TASOR: variants seen among roughly 807,000 people sequenced by gnomAD.
The protein encoded by TASOR is protein TASOR.
In TASOR, 53 loss-of-function variants were observed where a neutral mutation model predicts 178.6. The ratio of observed to expected loss-of-function variants is 0.30; its 90% CI spans 0.24 to 0.37. The LOEUF (loss-of-function observed/expected upper bound fraction) is 0.37, where lower values mean the gene tolerates loss of function less well. TASOR is among the 10% of genes least tolerant of loss of function. TASOR has a pLI of 1.00. For missense variants in TASOR, 1,815 were observed against 1,971.4 expected (o/e 0.92, Z 1.50); for synonymous variants, 713 against 696.2 (o/e 1.02, Z -0.38).
intron 18 of TASOR, among the ~76,000 whole-genome samples, chr3:56,631,079 A>G (rs1426532612): frequency 6.6e-6 from 1 of 152,112 alleles, no homozygotes; most frequent in Non-Finnish European, 1.5e-5. Context: ...CTGGTGGGGA[A>G]AAGTTGAGAA....
chr3:56,643,896 A>G (rs1251663968), intron 14 of TASOR, among the ~76,000 whole-genome samples: 1 of 152,202 alleles, frequency 6.6e-6, no homozygotes, highest in East Asian at 1.9e-4. Flanking sequence ...GTTTTAGTTA[A>G]GCATTCTACC....
chr3:56,673,781 G>T, intron 1 of TASOR, 56 bp from the exon 2 acceptor site: 5 of 1,391,630 alleles, frequency 3.6e-6, no homozygotes, highest in Non-Finnish European at 4.8e-6. Flanking sequence ...CTTAAATATA[G>T]CTTTTTATAT....
chr3:56,625,918 G>A (rs1156939169), intron 21 of TASOR, among the ~76,000 whole-genome samples: 5 of 152,102 alleles, frequency 3.3e-5, no homozygotes, highest in Admixed American at 1.3e-4. Context: ...CACCGTGCCC[G>A]GCCAGCTCTA....
intron 1 of TASOR, among the ~76,000 whole-genome samples, chr3:56,678,244 C>T (rs1479831986): frequency 1.5e-5 from 2 of 133,952 alleles, no homozygotes; most frequent in African/African-American, 2.9e-5. Flanking sequence ...TGCAGTGGCG[C>T]GATCTTGGCT....
intron 20 of TASOR, 132 bp downstream of exon 20, chr3:56,627,450 T>C (rs2076823458): frequency 1.0e-6 from 1 of 994,468 alleles, no homozygotes; most frequent in Non-Finnish European, 1.5e-6. Context: ...GAGAAAGAAA[T>C]TTGAGGTAAT....
rs144758081 is a variant in TASOR, at chr3:56,669,459, C to T, written c.735+241G>A. Among the ~76,000 whole-genome samples, 22 of 151,858 alleles carry T rather than the reference C, an allele frequency of 1.4e-4. No homozygotes were observed. In the East Asian group the frequency reaches 2.1e-3, roughly 15 times the overall value. ...CGGAGCTTGCAGTGAGCCAAGATGG[C>T]GCCACTGCACTCCATCCAGCCTGGG... On this transcript the variant is annotated intron_variant, in intron 5 of 23. Coordinates refer to ENST00000683822, the MANE Select transcript of TASOR (RefSeq NM_001365635.2).
At chr3:56,655,451 G>T (rs2077449782) in intron 11 of TASOR, among the ~76,000 whole-genome samples, 1 of 152,060 alleles carries the variant, frequency 6.6e-6, no homozygotes, top group African/African-American at 2.4e-5. Context: ...CATACTAAGA[G>T]ACTAACGACA....
chr3:56,638,654 G>A, intron 17 of TASOR, 52 bp downstream of exon 17: 2 of 1,588,244 alleles, frequency 1.3e-6, no homozygotes, highest in Non-Finnish European at 1.7e-6. Flanking sequence ...AATGCAAGTA[G>A]CAACTCTGAA....
rs200185070 is a variant in TASOR at position 56,682,964 on chromosome 3, C to T, written c.43G>A (p.Ala15Thr). The stretch of plus-strand genomic sequence containing the variant: ...CCGCCGCCGCCACTTTCCCAACTCG[C>T]ATCCGTCGGCTGACAGGCCTCCGTC... ...VETEACQPTD[A>T]SWESGGGGDD... is the part of the protein sequence containing the mutation. The change falls in exon 1 of 24, where the codon GCG becomes ACG. Residue 15 changes from alanine (A) to threonine (T), a missense_variant. Coordinates refer to ENST00000683822, the MANE Select transcript of TASOR (RefSeq NM_001365635.2). 795 of 1,549,386 alleles carry T rather than the reference C, an allele frequency of 5.1e-4. 3 individuals carry two copies. The Middle Eastern group carries it at 0.011, about 21-fold the overall frequency.
rs374379967 is a variant in TASOR at position 56,638,800 on chromosome 3, A to T, written c.2765-35T>A. ...AGCATCCATTAGACTCTCTTCAGAC[A>T]TTAGTGATACCTACACTAAGCACCT... On this transcript the variant is annotated intron_variant, in intron 16 of 23. Coordinates refer to ENST00000683822, the MANE Select transcript of TASOR (RefSeq NM_001365635.2). The T allele has an allele frequency of 2.2e-5, 35 of 1,603,438 alleles. No homozygotes were observed. In the African/African-American group the frequency reaches 4.0e-4, roughly 18 times the overall value.
chr3:56,638,825 T>C, intron 16 of TASOR, 60 bp from the exon 17 acceptor site: 1 of 1,504,636 alleles, frequency 6.6e-7, no homozygotes, highest in Non-Finnish European at 9.2e-7. Context: ...ACTAAGCACC[T>C]TTCAGACAAC....
At chr3:56,663,872 G>T in intron 7 of TASOR, 1 of 990,728 alleles carries the variant, frequency 1.0e-6, no homozygotes, top group Non-Finnish European at 1.2e-6. Flanking sequence ...CAATTATTTT[G>T]CTGACATTAG....
At chr3:56,662,276 G>T in intron 9 of TASOR, 109 bp downstream of exon 9, 2 of 653,066 alleles carry the variant, frequency 3.1e-6, no homozygotes, top group Non-Finnish European at 5.4e-6. Flanking sequence ...CATTTATATT[G>T]AAGTTCTTAT....
rs558001461 is a variant in TASOR, at chr3:56,652,420, G to A, written c.1369-3363C>T. Among the ~76,000 whole-genome samples, 10 of 152,112 alleles carry A rather than the reference G, an allele frequency of 6.6e-5. No homozygotes were observed. The East Asian group carries it at 1.9e-3, about 29-fold the overall frequency. The stretch of plus-strand genomic sequence containing the variant: ...CATACAAAAATCAGGCAGGTGTGGT[G>A]GTACGCACCTGTAGCCCCAGCTACC... On this transcript the variant is annotated intron_variant, in intron 11 of 23. Transcript: ENST00000683822.
intron 19 of TASOR, 103 bp downstream of exon 19, chr3:56,628,389 C>T: frequency 9.1e-7 from 1 of 1,102,544 alleles, no homozygotes; most frequent in Non-Finnish European, 1.3e-6. Flanking sequence ...TAAGTTTAAT[C>T]TCCTTTAAAG....
At chr3:56,649,116 A>C in intron 11 of TASOR, 59 bp from the exon 12 acceptor site, 1 of 1,264,790 alleles carries the variant, frequency 7.9e-7, no homozygotes, top group Non-Finnish European at 1.1e-6. Context: ...ACCATAAGGC[A>C]GACACACAGC....
chr3:56,650,667 A>C (rs1351178110), intron 11 of TASOR, among the ~76,000 whole-genome samples: 1 of 152,142 alleles, frequency 6.6e-6, no homozygotes, highest in Non-Finnish European at 1.5e-5. Context: ...TCTAATAGTT[A>C]ATCTGTGCTG....
Position 56,633,910 on chromosome 3 carries a change from T to C in TASOR, c.2881A>G (p.Asn961Asp). 1 of 1,569,980 alleles carries C rather than the reference T, an allele frequency of 6.4e-7. No individual in the cohort carries two copies. The highest frequency in any genetic ancestry group is 8.6e-7 in the Non-Finnish European group (1 of 1,156,674). Reference protein sequence around the residue: ...VCVPPQEAFPNDPRVINRQRS... With the variant: ...VCVPPQEAFPDDPRVINRQRS... ...TGTCTATTTATTACCCGGGGGTCGT[T>C]AGGAAAGGCCTCCTGTGGTGGCACA... Residue 961 changes from asparagine to aspartate, a missense_variant, in exon 18 of 24, where the codon AAC becomes GAC. Asn to Asp is a conservative substitution (Grantham distance 23, BLOSUM62 1). This residue lies in a region of TASOR where 655 missense variants were observed against 671.1 expected (regional missense o/e 0.98). Coordinates refer to ENST00000683822, the MANE Select transcript of TASOR (RefSeq NM_001365635.2).
intron 14 of TASOR, among the ~76,000 whole-genome samples, chr3:56,643,202 G>A (rs934080691): frequency 3.3e-5 from 5 of 151,636 alleles, no homozygotes; most frequent in Non-Finnish European, 7.4e-5. Context: ...GGCAGAGGTT[G>A]CAATGAGCCG....
Sources: allele counts gnomAD v4.1 joint callset (sites outside exome capture counted in the v4.1 genomes callset), GRCh38; gene constraint gnomAD v4.1.1; regional missense constraint gnomAD v4.1.1; transcripts MANE v1.5; gene names NCBI Gene and HGNC (gene_info 2026-07-23, HGNC 2026-07-21).